ACADSB: variants seen among roughly 807,000 people sequenced by gnomAD.
ACADSB encodes short/branched chain specific acyl-CoA dehydrogenase, mitochondrial.
ACADSB carries 40 observed loss-of-function variants against 54.1 expected under a neutral mutation model. That is an observed-to-expected ratio of 0.74 (90% CI 0.57 to 0.96). ACADSB has a LOEUF of 0.96. Among genes scored for constraint, ACADSB ranks in the 40% least tolerant of loss-of-function variants. The pLI is 0.00. For synonymous variants in ACADSB, 182 were observed against 182.8 expected (o/e 1.00, Z 0.03); for missense variants, 530 against 510.4 (o/e 1.04, Z -0.37).
chr10:123,021,013 T>G (rs1736410532), intron 1 of ACADSB, among the ~76,000 whole-genome samples: 1 of 152,108 alleles, frequency 6.6e-6, no homozygotes, highest in African/African-American at 2.4e-5. Flanking sequence ...AATAAATAAA[T>G]AAATAAATAC....
rs1266599329 is a variant in ACADSB, at chr10:123,051,062, A to C, written c.1004A>C (p.Gln335Pro). Residue 335 changes from glutamine (Q) to proline (P), a missense_variant, in exon 9 of 11, where the codon CAA (glutamine) becomes CCA (proline). By Grantham distance (76) the Gln-to-Pro change is moderately conservative. Coordinates refer to ENST00000358776, the MANE Select transcript of ACADSB (RefSeq NM_001609.4). ...RLFDFQGLQH[Q>P]VAHVATQLEA... ...TGACTGTTACAGGGCCTCCAACACCAAGTGGCTCACGTGGCCACCCAGCTG... is the reference window on the plus strand; with the variant it reads ...TGACTGTTACAGGGCCTCCAACACCCAGTGGCTCACGTGGCCACCCAGCTG... 8 of 1,612,258 alleles carry C rather than the reference A, an allele frequency of 5.0e-6. No individual in the cohort carries two copies.
intron 1 of ACADSB, among the ~76,000 whole-genome samples, chr10:123,010,859 A>G (rs1850024946): frequency 6.6e-6 from 1 of 152,174 alleles, no homozygotes; most frequent in South Asian, 2.1e-4. Flanking sequence ...ACCCCATGTC[A>G]TGTAGGTGTG....
chr10:123,044,525 A>C (rs763370602), intron 7 of ACADSB, 40 bp downstream of exon 7: 1 of 1,515,034 alleles, frequency 6.6e-7, no homozygotes, highest in South Asian at 1.1e-5. Context: ...TGAGTCAATT[A>C]AACTGTGAAA....
chr10:123,009,164 G>A (rs981909827), intron 1 of ACADSB, 93 bp downstream of exon 1: 8 of 1,337,740 alleles, frequency 6.0e-6, no homozygotes, highest in African/African-American at 5.8e-5. Context: ...GCCTCGGGGC[G>A]CCGGCCTGAG....
chr10:123,040,734 A>T, intron 4 of ACADSB, 62 bp downstream of exon 4: 5 of 1,516,600 alleles, frequency 3.3e-6, no homozygotes, highest in Non-Finnish European at 4.6e-6. Flanking sequence ...CAATATTTTC[A>T]GGAAAAAAGT....
intron 1 of ACADSB, among the ~76,000 whole-genome samples, chr10:123,024,260 A>C (rs1218278728): frequency 6.6e-6 from 1 of 152,264 alleles, no homozygotes; most frequent in Non-Finnish European, 1.5e-5. Context: ...TAAGAAAAGA[A>C]GGTTTAAGTT....
Position 123,053,897 on chromosome 10 carries a change from T to C in ACADSB, c.*132T>C, listed in dbSNP as rs2133497682. 2 of 872,612 alleles carry C rather than the reference T, an allele frequency of 2.3e-6. No individual in the cohort carries two copies. The highest frequency in any genetic ancestry group is 4.0e-5 in the Admixed American group (2 of 50,486). 54.1% of individuals were successfully genotyped at this position (872,612 alleles called of 1,614,324 possible). ...TCGAATATTTTAATGAAGCCCTTAG[T>C]CAGGGTCCTGGTGTTGGCCTTTTTG... On this transcript the variant is annotated 3_prime_UTR_variant, in exon 11 of 11. Transcript: ENST00000358776.
intron 3 of ACADSB, among the ~76,000 whole-genome samples, chr10:123,040,254 G>C (rs1850452612): frequency 6.6e-6 from 1 of 151,908 alleles, no homozygotes; most frequent in African/African-American, 2.4e-5. Context: ...GGGAGGCTGA[G>C]GCAGGAGAAT....
In ACADSB at chr10:123,057,287, T is replaced by C. The variant is rs1850720791; in HGVS notation, c.*3522T>C. On this transcript the variant is annotated 3_prime_UTR_variant, in exon 11 of 11. Coordinates refer to ENST00000358776, the MANE Select transcript of ACADSB (RefSeq NM_001609.4). ...TTGATCAAGTTCTAATTTGTATGTA[T>C]ATTTTGTGCATATTCACCAATAACA... 1 of 152,256 alleles carries C rather than the reference T, an allele frequency of 6.6e-6. No homozygotes were observed. The highest frequency in any genetic ancestry group is 2.4e-5 in the African/African-American group (1 of 41,460). The allele number at this position is 152,256 out of a possible 1,614,324, so 9.4% of individuals were successfully genotyped here. A position where few individuals can be genotyped will look rare whatever the true frequency, so the allele number is the denominator to read the frequency against.
Position 123,009,071 on chromosome 10 carries a change from G to A in ACADSB, c.42G>A (p.Leu14=), listed in dbSNP as rs745863047. The change falls in exon 1 of 11, where the codon CTG becomes CTA. Residue 14 remains leucine (L), a splice_region_variant and synonymous_variant. Coordinates refer to ENST00000358776, the MANE Select transcript of ACADSB (RefSeq NM_001609.4). ...LAVRLLRGSR[L]LRRNFLTCLS... ...TGCGGTTGCTGCGCGGCAGCAGGCTGGTGAGTGCGTTCGAGGCTGGCGTCC... is the reference window on the plus strand; with the variant it reads ...TGCGGTTGCTGCGCGGCAGCAGGCTAGTGAGTGCGTTCGAGGCTGGCGTCC... 7 of 1,546,186 alleles carry A rather than the reference G, an allele frequency of 4.5e-6. No individual in the cohort carries two copies. The South Asian group carries it at 7.1e-5, about 16-fold the overall frequency.
rs1287425701 is a variant in ACADSB, at chr10:123,054,539, G to A, written c.*774G>A. ...CTAAGTTGCAAGCGAAGTCAAAACT[G>A]ATGAAAATTTATTTAGAAAAATCTA... On this transcript the variant is annotated 3_prime_UTR_variant, in exon 11 of 11. Transcript: ENST00000358776. 1 of 152,158 alleles carries A rather than the reference G, an allele frequency of 6.6e-6. No individual in the cohort carries two copies. The highest frequency in any genetic ancestry group is 1.5e-5 in the Non-Finnish European group (1 of 68,028). 9.4% of individuals were successfully genotyped at this position (152,158 alleles called of 1,614,324 possible). A position where few individuals can be genotyped will look rare whatever the true frequency, so the allele number is the denominator to read the frequency against.
chr10:123,012,632 T>C (rs1055911344), intron 1 of ACADSB, among the ~76,000 whole-genome samples: 1 of 151,642 alleles, frequency 6.6e-6, no homozygotes, highest in African/African-American at 2.4e-5. Context: ...TCACGGTGAG[T>C]GTTACAGCTC....
Position 123,031,909 on chromosome 10 carries a change from G to A in ACADSB, c.43-2447G>A, listed in dbSNP as rs78244612. On this transcript the variant is annotated intron_variant, in intron 1 of 10. Coordinates refer to ENST00000358776, the MANE Select transcript of ACADSB (RefSeq NM_001609.4). ...AATCAAGAGGCTCACAGTTGTGTCC[G>A]TGGGAAAAATAGGTATTAATGTAAG... is the stretch of plus-strand genomic sequence containing the variant. 9.6e-3 allele frequency among the ~76,000 whole-genome samples: 1,456 copies of A among 152,172 alleles called. 18 individuals carry two copies. Among genetic ancestry groups the A allele is most frequent in the African/African-American group, 0.031 (1,307 of 41,530 alleles).
intron 2 of ACADSB, among the ~76,000 whole-genome samples, chr10:123,035,030 A>G (rs56959125): frequency 0.39 from 59,864 of 151,584 alleles, 12,818 homozygotes; most frequent in Non-Finnish European, 0.48. Context: ...GCTCACAGCA[A>G]CCTTTGCCTC....
chr10:123,033,747 A>G (rs1341137293), intron 1 of ACADSB, among the ~76,000 whole-genome samples: 1 of 152,224 alleles, frequency 6.6e-6, no homozygotes, highest in Admixed American at 6.5e-5. Context: ...TCACTTGCCC[A>G]AGACCACATA....
chr10:123,057,059 A>T lies in ACADSB; in HGVS notation c.*3294A>T, dbSNP rs1296564990. On this transcript the variant is annotated 3_prime_UTR_variant, in exon 11 of 11. Transcript: ENST00000358776. ...GTATGACATGGATGAAATGCCCTAC[A>T]GGGGCCTTGGACATCTTTAATTTCT... 3 of 152,766 alleles carry T rather than the reference A, an allele frequency of 2.0e-5. No homozygotes were observed. Among genetic ancestry groups the T allele is most frequent in the Admixed American group, 2.0e-4 (3 of 15,308 alleles). 9.5% of individuals were successfully genotyped at this position (152,766 alleles called of 1,614,324 possible).
chr10:123,044,598 C>G lies in ACADSB; in HGVS notation c.900+113C>G. 1.1e-5 allele frequency: 9 copies of G among 823,044 alleles called. No individual in the cohort carries two copies. In the South Asian group the frequency reaches 1.1e-4, roughly 10 times the overall value. The allele number at this position is 823,044 out of a possible 1,614,324, so 51.0% of individuals were successfully genotyped here. On this transcript the variant is annotated intron_variant, in intron 7 of 10. Transcript: ENST00000358776. Reference sequence around the variant, plus strand: ...CTTATGGACACAAGATGGCACCGTTCCCTTACATGAGGGATAGAATGGCTT... The same window carrying G: ...CTTATGGACACAAGATGGCACCGTTGCCTTACATGAGGGATAGAATGGCTT...
In ACADSB at chr10:123,053,720, C is replaced by T. The variant is rs757157902; in HGVS notation, c.1254C>T (p.Asn418=). ...KIGTIYEGAS[N]IQLNTIAKHI... is the part of the protein sequence containing the mutation. The stretch of plus-strand genomic sequence containing the variant: ...GTACGATATATGAAGGAGCTTCCAA[C>T]ATCCAGTTGAACACCATTGCAAAGC... Residue 418 remains asparagine (N), a synonymous_variant, in exon 11 of 11, where the codon AAC becomes AAT. Coordinates refer to ENST00000358776, the MANE Select transcript of ACADSB (RefSeq NM_001609.4). 3.7e-6 allele frequency: 6 copies of T among 1,614,122 alleles called. No homozygotes were observed. The highest frequency in any genetic ancestry group is 5.1e-6 in the Non-Finnish European group (6 of 1,179,966).
intron 7 of ACADSB, among the ~76,000 whole-genome samples, chr10:123,045,153 ATATATATATATATATATATTTTTTTTTT>A (rs1850538651): frequency 9.8e-5 from 1 of 10,212 alleles, no homozygotes. Flanking sequence ...ATATATATAT[ATATATATATATATATATATTTTTTTTTT>A]TTTTTTTTTT....
Sources: allele counts gnomAD v4.1 joint callset (sites outside exome capture counted in the v4.1 genomes callset), GRCh38; gene constraint gnomAD v4.1.1; transcripts MANE v1.5; gene names NCBI Gene and HGNC (gene_info 2026-07-23, HGNC 2026-07-21).